Variants in SCLT1 observed in about 807,000 individuals in gnomAD.
SCLT1 encodes the protein sodium channel-associated protein 1.
In SCLT1, 78 loss-of-function variants were observed where a neutral mutation model predicts 112.8. The observed-to-expected ratio is 0.69, with a 90% CI of 0.58 to 0.83. The LOEUF (loss-of-function observed/expected upper bound fraction) is 0.83. Among genes scored for constraint, SCLT1 ranks in the 40% least tolerant of loss-of-function variants. SCLT1 has a pLI of 0.00. For missense variants in SCLT1, 747 were observed against 770.4 expected, an observed-to-expected ratio of 0.97 and a Z score of 0.36; for synonymous variants, 257 against 254.7, an observed-to-expected ratio of 1.01 and a Z score of -0.09.
intron 2 of SCLT1, among the ~76,000 whole-genome samples, chr4:129,046,579 T>C (rs773578868): frequency 2.4e-4 from 36 of 152,128 alleles, no homozygotes; most frequent in Non-Finnish European, 4.4e-4. Context: ...ATGCTTTCTA[T>C]TATTAAATGA....
At chr4:129,034,033 A>G (rs1463702279) in intron 5 of SCLT1, among the ~76,000 whole-genome samples, 2 of 152,300 alleles carry the variant, frequency 1.3e-5, no homozygotes, top group South Asian at 4.1e-4. Flanking sequence ...GGTGTTGACC[A>G]TGTAATCCCA....
At chr4:129,077,709 T>C (rs1751583779) in intron 2 of SCLT1, among the ~76,000 whole-genome samples, 1 of 152,178 alleles carries the variant, frequency 6.6e-6, no homozygotes, top group African/African-American at 2.4e-5. Context: ...ATAAGATATA[T>C]GAGCTAGCAC....
intron 12 of SCLT1, 40 bp downstream of exon 12, chr4:128,959,560 A>G: frequency 6.7e-7 from 1 of 1,497,378 alleles, no homozygotes; most frequent in Non-Finnish European, 9.3e-7. Context: ...AGAATAGTCA[A>G]CATTTTATTA....
At chr4:129,040,075 G>A in intron 4 of SCLT1, 1 of 663,276 alleles carries the variant, frequency 1.5e-6, no homozygotes, top group Non-Finnish European at 2.8e-6. Flanking sequence ...GGGCCAGGTG[G>A]AACAGGCAGT....
chr4:128,993,475 C>T, intron 8 of SCLT1, among the ~76,000 whole-genome samples: 1 of 152,022 alleles, frequency 6.6e-6, no homozygotes, highest in African/African-American at 2.4e-5. Context: ...GAGCAATTAA[C>T]AGAAGTATAA....
chr4:128,965,142 T>C, intron 11 of SCLT1, 85 bp downstream of exon 11: 1 of 681,062 alleles, frequency 1.5e-6, no homozygotes, highest in South Asian at 1.9e-5. Context: ...AAAATATTTA[T>C]TCTAGTAAAT....
chr4:129,061,508 C>A (rs1354348624), intron 2 of SCLT1, among the ~76,000 whole-genome samples: 1 of 152,120 alleles, frequency 6.6e-6, no homozygotes, highest in Non-Finnish European at 1.5e-5. Context: ...ATCCTGGGGA[C>A]AATGAGCATT....
chr4:129,018,658 A>G (rs1745193560), intron 5 of SCLT1, among the ~76,000 whole-genome samples: 1 of 152,212 alleles, frequency 6.6e-6, no homozygotes, highest in Non-Finnish European at 1.5e-5. Context: ...AACTACAATT[A>G]ATAGACTCGC....
intron 9 of SCLT1, among the ~76,000 whole-genome samples, chr4:128,990,265 A>G (rs1174451812): frequency 1.3e-5 from 2 of 151,998 alleles, no homozygotes; most frequent in Admixed American, 1.3e-4. Flanking sequence ...ATCAAGTGGG[A>G]TTCATCCCAG....
At chr4:128,889,009 T>C (rs1733105331) in intron 19 of SCLT1, among the ~76,000 whole-genome samples, 1 of 152,222 alleles carries the variant, frequency 6.6e-6, no homozygotes, top group Non-Finnish European at 1.5e-5. Context: ...TTAACAAATC[T>C]CAAAGCAAAA....
At chr4:128,936,553 C>T in intron 18 of SCLT1, 102 bp downstream of exon 18, 4 of 614,854 alleles carry the variant, frequency 6.5e-6, no homozygotes, top group South Asian at 2.7e-5. Flanking sequence ...AGGTAAGGTC[C>T]AGAATTATAC....
rs185033564 is a variant in SCLT1 at position 128,875,900 on chromosome 4, T to C, written n.355+607A>G. On this transcript the variant is annotated intron_variant and non_coding_transcript_variant, in intron 4 of 7. Transcript: ENST00000503565. ...AAATGCTTTCTTTTGATCACAGAACTCTGGGACAGTAGGGCAAAAAAATAT... is the reference window on the plus strand; with the variant it reads ...AAATGCTTTCTTTTGATCACAGAACCCTGGGACAGTAGGGCAAAAAAATAT... Among the ~76,000 whole-genome samples, 553 of 152,300 alleles carry C rather than the reference T, an allele frequency of 3.6e-3. 4 individuals are homozygous for C. Among genetic ancestry groups the C allele is most frequent in the Non-Finnish European group, 6.6e-3 (447 of 68,024 alleles).
intron 9 of SCLT1, among the ~76,000 whole-genome samples, chr4:128,982,392 T>G (rs938647579): frequency 6.6e-6 from 1 of 152,200 alleles, no homozygotes; most frequent in Non-Finnish European, 1.5e-5. Context: ...AGCACAGATG[T>G]ACATGTTTAA....
At chr4:128,963,444 T>C (rs932407834) in intron 11 of SCLT1, among the ~76,000 whole-genome samples, 3 of 152,144 alleles carry the variant, frequency 2.0e-5, no homozygotes, top group African/African-American at 7.2e-5. Flanking sequence ...GGTACAACAG[T>C]AGGTGCTCAG....
At chr4:129,087,494 A>AG (rs1459619097) in intron 1 of SCLT1, among the ~76,000 whole-genome samples, 1 of 152,022 alleles carries the variant, frequency 6.6e-6, no homozygotes, top group African/African-American at 2.4e-5. Flanking sequence ...GGAAAAAAAA[A>AG]AAGGCACTTT....
intron 18 of SCLT1, among the ~76,000 whole-genome samples, chr4:128,901,468 C>A: frequency 6.9e-6 from 1 of 145,676 alleles, no homozygotes; most frequent in Non-Finnish European, 1.5e-5. Context: ...GGGAATTGAA[C>A]AATGAGAACA....
intron 18 of SCLT1, among the ~76,000 whole-genome samples, chr4:128,935,303 T>C (rs1165547377): frequency 6.6e-6 from 1 of 151,974 alleles, no homozygotes; most frequent in East Asian, 1.9e-4. Flanking sequence ...TATATGTCAT[T>C]CCAACCTTCC....
At chr4:128,943,652 C>T (rs569065050) in intron 16 of SCLT1, among the ~76,000 whole-genome samples, 2 of 152,146 alleles carry the variant, frequency 1.3e-5, no homozygotes, top group Admixed American at 1.3e-4. Flanking sequence ...CTTAGAAATA[C>T]TTTTTATAAA....
intron 9 of SCLT1, among the ~76,000 whole-genome samples, chr4:128,985,395 T>A (rs1742001536): frequency 6.6e-6 from 1 of 152,234 alleles, no homozygotes; most frequent in Admixed American, 6.5e-5. Context: ...TTTTTTGGCC[T>A]CTTTATTACA....
Sources: gnomAD v4.1 joint callset for allele counts (sites outside exome capture counted in the v4.1 genomes callset) on GRCh38, gnomAD v4.1.1 for gene constraint, MANE v1.5 for transcripts, NCBI Gene and HGNC (gene_info 2026-07-23, HGNC 2026-07-21) for gene names.